CELF2: variants seen among roughly 807,000 people sequenced by gnomAD.
CELF2 encodes CUGBP Elav-like family member 2, also known as CUG triplet repeat RNA-binding protein 2.
A neutral mutation model predicts 62.6 loss-of-function variants in CELF2; 8 were observed. The ratio of observed to expected loss-of-function variants is 0.13; its 90% CI spans 0.07 to 0.23. The LOEUF is 0.23. CELF2 is among the 10% of genes least tolerant of loss of function. CELF2 has a pLI of 1.00. For synonymous variants in CELF2, 258 were observed against 250.0 expected (o/e 1.03, Z -0.30); for missense variants, 333 against 671.0 (o/e 0.50, Z 5.56).
intron 8 of CELF2, among the ~76,000 whole-genome samples, chr10:11,275,539 C>T (rs188374532): frequency 6.3e-4 from 96 of 152,264 alleles, no homozygotes; most frequent in Non-Finnish European, 1.0e-3. Context: ...TTCTGACCTC[C>T]GTAATGAAAG....
intron 2 of CELF2, among the ~76,000 whole-genome samples, chr10:11,202,924 T>C (rs1313035752): frequency 1.2e-5 from 1 of 81,550 alleles, no homozygotes; most frequent in African/African-American, 4.8e-5. Context: ...TCTCTCTCTC[T>C]CTCTCTCTCT....
chr10:11,079,221 CG>C (rs2073156485), intron 1 of CELF2, among the ~76,000 whole-genome samples: 1 of 152,086 alleles, frequency 6.6e-6, no homozygotes, highest in East Asian at 1.9e-4. Flanking sequence ...AAATTTCATA[CG>C]TTTTTTGTAC....
chr10:10,547,129 T>A, the CELF2 span, among the ~76,000 whole-genome samples: 1 of 152,056 alleles, frequency 6.6e-6, no homozygotes, highest in African/African-American at 2.4e-5. Flanking sequence ...ATTCAAGGAA[T>A]CATCTATGAA....
chr10:10,511,912 T>C, the CELF2 span, among the ~76,000 whole-genome samples: 1 of 152,184 alleles, frequency 6.6e-6, no homozygotes, highest in African/African-American at 2.4e-5. Flanking sequence ...GATTAAAATA[T>C]TTTGAAATGC....
chr10:10,490,312 A>G, the CELF2 span, among the ~76,000 whole-genome samples: 1 of 152,204 alleles, frequency 6.6e-6, no homozygotes, highest in Non-Finnish European at 1.5e-5. Context: ...TGTCATGAGC[A>G]GAAATCACTG....
the CELF2 span, among the ~76,000 whole-genome samples, chr10:10,556,655 T>G: frequency 1.3e-5 from 2 of 152,112 alleles, no homozygotes; most frequent in African/African-American, 4.8e-5. Context: ...ACCAACAGTG[T>G]AAAAGTGTTC....
Position 11,211,807 on chromosome 10 carries a change from AGAGAGAGT to A in CELF2, c.272-5616_272-5609del, listed in dbSNP as rs372528694. The stretch of plus-strand genomic sequence containing the variant: ...GTATGTGTGTGAGAGAGAGAGAGAG[AGAGAGAGT>A]GTGTGTGTGTGTGTGTGTGTGTGTG... On this transcript the variant is annotated intron_variant, in intron 2 of 12. Coordinates refer to ENST00000633077, the MANE Select transcript of CELF2 (RefSeq NM_001326342.2). This position sits in a 1 kb window ranked among gnomAD's most constrained non-coding sequence, Gnocchi z 4.8. 0.011 allele frequency among the ~76,000 whole-genome samples: 1,299 copies of A among 120,638 alleles called. 8 individuals carry two copies. Among genetic ancestry groups the A allele is most frequent in the African/African-American group, 0.037 (1,033 of 28,080 alleles). 79.1% of individuals were successfully genotyped at this position (120,638 alleles called of 152,430 possible).
chr10:10,713,046 C>T, the CELF2 span, among the ~76,000 whole-genome samples: 1 of 152,184 alleles, frequency 6.6e-6, no homozygotes, highest in Non-Finnish European at 1.5e-5. Flanking sequence ...AAAATGGTCC[C>T]AATGGACCTT....
rs1053761947 is a variant in CELF2 at position 11,247,414 on chromosome 10, G to T, written c.355-1739G>T. 6.6e-6 allele frequency among the ~76,000 whole-genome samples: 1 copy of T among 152,186 alleles called. No individual in the cohort carries two copies. The highest frequency in any genetic ancestry group is 6.5e-5 in the Admixed American group (1 of 15,282). On this transcript the variant is annotated intron_variant, in intron 3 of 12. Transcript: ENST00000633077. This position sits in a 1 kb window ranked among gnomAD's most constrained non-coding sequence, Gnocchi z 5.4. ...GCCGGCCCCCCTTCAGTGCTCGCAC[G>T]TCCAAGGACTCGGCCCAGATGCAGC...
intron 1 of CELF2, among the ~76,000 whole-genome samples, chr10:11,112,909 G>GTC (rs2055578425): frequency 6.6e-6 from 1 of 150,512 alleles, no homozygotes; most frequent in African/African-American, 2.5e-5. Flanking sequence ...CGTAGCCCAT[G>GTC]TCTGAAGCTT....
At chr10:10,648,537 G>A in the CELF2 span, among the ~76,000 whole-genome samples, 1 of 152,140 alleles carries the variant, frequency 6.6e-6, no homozygotes, top group African/African-American at 2.4e-5. Context: ...CAGCCAAAGC[G>A]AAAGAATAAC....
chr10:10,491,717 TTAAA>T, the CELF2 span, among the ~76,000 whole-genome samples: 3 of 152,212 alleles, frequency 2.0e-5, no homozygotes, highest in Non-Finnish European at 2.9e-5. Flanking sequence ...TTGTGCTCAG[TTAAA>T]TAGTCAATTC....
At chr10:10,498,034 G>A in the CELF2 span, among the ~76,000 whole-genome samples, 3 of 152,196 alleles carry the variant, frequency 2.0e-5, no homozygotes, top group Admixed American at 6.5e-5. Context: ...GGGAAGAAGT[G>A]CTCTAATTCT....
the CELF2 span, among the ~76,000 whole-genome samples, chr10:10,522,629 G>A: frequency 2.6e-5 from 4 of 152,150 alleles, no homozygotes; most frequent in African/African-American, 9.7e-5. Flanking sequence ...GAATGCAATG[G>A]CGCAATCTTG....
chr10:10,585,492 G>A, the CELF2 span, among the ~76,000 whole-genome samples: 1 of 152,152 alleles, frequency 6.6e-6, no homozygotes, highest in Non-Finnish European at 1.5e-5. Flanking sequence ...AAAAGTTGGG[G>A]TTTCAGCTGA....
At chr10:10,880,566 C>A (rs2061382978) in intron 1 of CELF2, among the ~76,000 whole-genome samples, 1 of 152,156 alleles carries the variant, frequency 6.6e-6, no homozygotes, top group Non-Finnish European at 1.5e-5. Context: ...CGGATACTGG[C>A]TTCAGCCTCT....
chr10:11,258,281 G>A (rs2079415476), intron 5 of CELF2, among the ~76,000 whole-genome samples: 1 of 152,200 alleles, frequency 6.6e-6, no homozygotes, highest in African/African-American at 2.4e-5. Flanking sequence ...TATGTTAAGA[G>A]TACAGTGACA....
At chr10:11,205,661 T>C (rs1419133363) in intron 2 of CELF2, among the ~76,000 whole-genome samples, 2 of 152,196 alleles carry the variant, frequency 1.3e-5, no homozygotes, top group African/African-American at 2.4e-5. Flanking sequence ...CTATCCAGCA[T>C]CACTTTGAAA....
At chr10:10,546,840 C>T in the CELF2 span, among the ~76,000 whole-genome samples, 3 of 151,700 alleles carry the variant, frequency 2.0e-5, no homozygotes, top group African/African-American at 7.3e-5. Flanking sequence ...GGTGCCGTAG[C>T]TCATGCCTGT....
Sources: allele counts gnomAD v4.1 joint callset (sites outside exome capture counted in the v4.1 genomes callset), GRCh38; gene constraint gnomAD v4.1.1; non-coding constraint Gnocchi (gnomAD v3.1); transcripts MANE v1.5; gene names NCBI Gene and HGNC (gene_info 2026-07-23, HGNC 2026-07-21).